VCAN: variants seen among roughly 807,000 people sequenced by gnomAD.
VCAN encodes versican core protein.
VCAN carries 44 observed loss-of-function variants against 245.5 expected under a neutral mutation model. The ratio of observed to expected loss-of-function variants is 0.18; its 90% CI spans 0.14 to 0.23. The LOEUF is 0.23. VCAN is among the 10% of genes least tolerant of loss of function. The pLI is 1.00. For missense variants in VCAN, 3,793 were observed against 4,057.9 expected, an observed-to-expected ratio of 0.93 and a Z score of 1.77; for synonymous variants, 1,413 against 1,437.0, an observed-to-expected ratio of 0.98 and a Z score of 0.38.
Position 83,493,737 on chromosome 5 carries a change from CCA to C in VCAN, c.620+20_620+21del. 1 of 1,614,066 alleles carries C rather than the reference CCA, an allele frequency of 6.2e-7. No homozygotes were observed. The highest frequency in any genetic ancestry group is 8.5e-7 in the Non-Finnish European group (1 of 1,180,008). On this transcript the variant is annotated intron_variant, in intron 4 of 14. Transcript: ENST00000265077. The stretch of plus-strand genomic sequence containing the variant: ...GACTGTCAGGTAAGAGGTCTGGGGG[CCA>C]CAGGCTTCATTATTAACTTGAGAGT...
chr5:83,573,831 T>C (rs1347414526), intron 13 of VCAN, among the ~76,000 whole-genome samples: 2 of 152,288 alleles, frequency 1.3e-5, no homozygotes, highest in South Asian at 2.1e-4. Context: ...TTTCACAAGA[T>C]TGATGAAGAA....
intron 5 of VCAN, among the ~76,000 whole-genome samples, chr5:83,500,207 A>T (rs1024602792): frequency 1.3e-5 from 2 of 152,188 alleles, no homozygotes; most frequent in Admixed American, 6.5e-5. Flanking sequence ...GCACACTATG[A>T]TTCCGCCGAT....
chr5:83,514,651 G>T (rs967408877), intron 6 of VCAN, among the ~76,000 whole-genome samples: 2 of 152,022 alleles, frequency 1.3e-5, no homozygotes, highest in Non-Finnish European at 2.9e-5. Context: ...TAGAGATGGG[G>T]TTTCATCATG....
chr5:83,478,976 A>T (rs960341512), intron 1 of VCAN, among the ~76,000 whole-genome samples: 2 of 152,208 alleles, frequency 1.3e-5, no homozygotes, highest in Non-Finnish European at 2.9e-5. Context: ...TTCACCAGGC[A>T]GAGAACAGAG....
At chr5:83,518,755 T>C (rs1745958492) in intron 6 of VCAN, among the ~76,000 whole-genome samples, 1 of 152,168 alleles carries the variant, frequency 6.6e-6, no homozygotes, top group Non-Finnish European at 1.5e-5. Flanking sequence ...TAATATCCTG[T>C]TTTTATGAAA....
chr5:83,488,862 A>G (rs1030238223), intron 2 of VCAN, among the ~76,000 whole-genome samples: 2 of 152,258 alleles, frequency 1.3e-5, no homozygotes, highest in East Asian at 1.9e-4. Flanking sequence ...ATTTATTTGC[A>G]TCACATGAAA....
intron 2 of VCAN, among the ~76,000 whole-genome samples, chr5:83,485,090 C>T (rs1205165538): frequency 2.0e-5 from 3 of 152,186 alleles, no homozygotes; most frequent in Non-Finnish European, 4.4e-5. Flanking sequence ...TTAACACTAA[C>T]TCACTGAAAC....
chr5:83,529,344 A>C (rs1746430894), intron 7 of VCAN, among the ~76,000 whole-genome samples: 1 of 151,204 alleles, frequency 6.6e-6, no homozygotes, highest in African/African-American at 2.4e-5. Context: ...TTGAAAAAAA[A>C]AAAAAAAGCA....
intron 1 of VCAN, among the ~76,000 whole-genome samples, chr5:83,483,127 G>A (rs1163024161): frequency 3.3e-5 from 5 of 152,132 alleles, no homozygotes; most frequent in Non-Finnish European, 7.3e-5. Context: ...TTTCTAAATA[G>A]ACTTTGTGGT....
chr5:83,578,988 A>T (rs1437796319), intron 13 of VCAN, among the ~76,000 whole-genome samples: 3 of 152,154 alleles, frequency 2.0e-5, no homozygotes, highest in African/African-American at 7.2e-5. Context: ...AAAATTTTTC[A>T]TTGTAAATTT....
rs150017263 is a variant in VCAN at position 83,538,618 on chromosome 5, C to T, written c.5615C>T (p.Pro1872Leu). 248 of 1,614,008 alleles carry T rather than the reference C, an allele frequency of 1.5e-4. 2 individuals carry two copies. The East Asian group carries it at 4.5e-3, about 29-fold the overall frequency. The change falls in exon 8 of 15, where the codon CCG (proline) becomes CTG (leucine). Residue 1872 changes from proline (P) to leucine (L), a missense_variant. By Grantham distance (98) the Pro-to-Leu change is moderately conservative (BLOSUM62 -3). Around this residue, in one of 5 missense-constraint regions of VCAN, gnomAD observed 3,182 missense variants for 3,250.3 expected, o/e 0.98. Coordinates refer to ENST00000265077, the MANE Select transcript of VCAN (RefSeq NM_004385.5). ...AEKEVAGTLS[P>L]HVETTFSTEP... ...AAGGAAGTAGCTGGCACTTTGTCTC[C>T]GCATGTGGAAACTACATTCTCCACT...
chr5:83,572,672 T>A (rs1161612636), intron 13 of VCAN, 112 bp downstream of exon 13: 2 of 1,353,078 alleles, frequency 1.5e-6, no homozygotes, highest in Non-Finnish European at 2.1e-6. Flanking sequence ...GATATGTCCA[T>A]GTATGTCATC....
At chr5:83,557,520 A>G (rs1291829750) in intron 12 of VCAN, among the ~76,000 whole-genome samples, 1 of 152,120 alleles carries the variant, frequency 6.6e-6, no homozygotes, top group Non-Finnish European at 1.5e-5. Context: ...CATACAGGTG[A>G]GCTTGATTCA....
At chr5:83,498,409 T>C (rs190409847) in intron 5 of VCAN, among the ~76,000 whole-genome samples, 1 of 152,354 alleles carries the variant, frequency 6.6e-6, no homozygotes, top group African/African-American at 2.4e-5. Context: ...TAGAGCTGAA[T>C]AAATGAGTGA....
At position 83,581,795 on chromosome 5, in the gene VCAN, T is replaced by G. The variant is rs1169752081; in HGVS notation, c.*1361T>G. The G allele has an allele frequency of 6.6e-6, 1 of 152,218 alleles. No individual in the cohort carries two copies. Among genetic ancestry groups the G allele is most frequent in the Non-Finnish European group, 1.5e-5 (1 of 68,020 alleles). 9.4% of individuals were successfully genotyped at this position (152,218 alleles called of 1,614,324 possible). A position where few individuals can be genotyped will look rare whatever the true frequency, so the allele number is the denominator to read the frequency against. ...CTCCCCATTATTTGAATAAAGTGACTGCTGAAGATGACTTTGAATCCTTAT... is the reference window on the plus strand; with the variant it reads ...CTCCCCATTATTTGAATAAAGTGACGGCTGAAGATGACTTTGAATCCTTAT... On this transcript the variant is annotated 3_prime_UTR_variant, in exon 15 of 15. Transcript: ENST00000265077.
At chr5:83,544,849 T>A (rs1747145909) in intron 8 of VCAN, 1 of 152,304 alleles carries the variant, frequency 6.6e-6, no homozygotes. Context: ...TTATTTGTAT[T>A]TTAATAAGAA....
chr5:83,509,054 GAAAGAAAGA>G (rs1264033502), intron 5 of VCAN, among the ~76,000 whole-genome samples: 1 of 126,786 alleles, frequency 7.9e-6, no homozygotes, highest in African/African-American at 3.2e-5. Context: ...GAAAGAAAGA[GAAAGAAAGA>G]AAAGAAAGAA....
chr5:83,540,675 A>G lies in VCAN; in HGVS notation c.7672A>G (p.Ile2558Val). 1 of 1,613,998 alleles carries G rather than the reference A, an allele frequency of 6.2e-7. No homozygotes were observed. The highest frequency in any genetic ancestry group is 1.6e-4 in the Middle Eastern group (1 of 6,062). Residue 2558 changes from isoleucine to valine, a missense_variant, in exon 8 of 15, where the codon ATT (isoleucine) becomes GTT (valine). Transcript: ENST00000265077. Reference protein sequence around the residue: ...DKEDKDLILTITESTILEILP... With the variant: ...DKEDKDLILTVTESTILEILP... ...AGAGGACAAGGATTTAATATTGACA[A>G]TTACAGAGAGTACCATCCTTGAAAT...
chr5:83,489,824 A>G (rs76200867), intron 2 of VCAN, among the ~76,000 whole-genome samples: 1 of 110,708 alleles, frequency 9.0e-6, no homozygotes, highest in Non-Finnish European at 1.9e-5. Flanking sequence ...TTTTTTTTTT[A>G]TCACTTATTT....
Sources: allele counts gnomAD v4.1 joint callset (sites outside exome capture counted in the v4.1 genomes callset), GRCh38; gene constraint gnomAD v4.1.1; regional missense constraint gnomAD v4.1.1; transcripts MANE v1.5; gene names NCBI Gene and HGNC (gene_info 2026-07-23, HGNC 2026-07-21).